The following UHRF1 variants were observed in gnomAD, a reference collection of about 807,000 sequenced individuals.
UHRF1 encodes the protein ubiquitin like with PHD and ring finger domains 1.
Under a neutral mutation model 96.5 loss-of-function variants are expected in UHRF1, and 9 were observed. The observed-to-expected ratio is 0.09, with a 90% confidence interval of 0.06 to 0.16. The LOEUF (loss-of-function observed/expected upper bound fraction) is 0.16. Among genes scored for constraint, UHRF1 ranks in the 10% least tolerant of loss-of-function variants. The probability of loss-of-function intolerance (pLI) is 1.00; values close to 1 mark genes in which losing one functional copy is unlikely to be tolerated. For missense variants in UHRF1, 626 were observed against 1,131.1 expected, an observed-to-expected ratio of 0.55 and a Z score of 6.40; for synonymous variants, 455 against 469.9, an observed-to-expected ratio of 0.97 and a Z score of 0.41.
chr19:4,931,344 C>T (rs1277061296), intron 4 of UHRF1, among the ~76,000 whole-genome samples: 1 of 152,250 alleles, frequency 6.6e-6, no homozygotes, highest in South Asian at 2.1e-4. Context: ...CATTGGTTGA[C>T]TTGCTCACTG....
At chr19:4,937,932 C>T (rs1230399664) in intron 5 of UHRF1, among the ~76,000 whole-genome samples, 1 of 152,120 alleles carries the variant, frequency 6.6e-6, no homozygotes, top group African/African-American at 2.4e-5. Context: ...GGGCGGATCA[C>T]TTGAGGTTAG....
intron 5 of UHRF1, among the ~76,000 whole-genome samples, chr19:4,939,892 C>T (rs1396684502): frequency 2.0e-5 from 3 of 151,954 alleles, no homozygotes; most frequent in East Asian, 1.9e-4. Flanking sequence ...GGCGTGGTGG[C>T]GGGTGCCTAT....
chr19:4,952,594 T>C (rs1192547702), intron 13 of UHRF1, among the ~76,000 whole-genome samples: 1 of 151,608 alleles, frequency 6.6e-6, no homozygotes, highest in African/African-American at 2.4e-5. Context: ...GGTTTCGCCA[T>C]GTTGGCCAGG....
rs777012864 is a variant in UHRF1 at position 4,932,987 on chromosome 19, C to G, written c.785+31C>G. On this transcript the variant is annotated intron_variant, in intron 5 of 16. Transcript: ENST00000650932. ...CCTCGCGTCCTGGGGCGAGCCCTTC[C>G]TCTCTCCTTTCCTCCCCTCCCGGGG... 6.4e-6 allele frequency: 10 copies of G among 1,564,290 alleles called. No homozygotes were observed. The South Asian group carries it at 8.1e-5, about 13-fold the overall frequency.
At chr19:4,920,866 C>G (rs1205800595) in intron 2 of UHRF1, among the ~76,000 whole-genome samples, 1 of 152,238 alleles carries the variant, frequency 6.6e-6, no homozygotes, top group Non-Finnish European at 1.5e-5. Flanking sequence ...TGGCTCACAC[C>G]TGTAATCCCA....
intron 2 of UHRF1, among the ~76,000 whole-genome samples, chr19:4,925,254 AAAG>A (rs2032831880): frequency 6.6e-6 from 1 of 152,134 alleles, no homozygotes; most frequent in Non-Finnish European, 1.5e-5. Context: ...TGTCACCTTG[AAAG>A]GAAACCCTGA....
chr19:4,944,541 C>A, intron 9 of UHRF1, 91 bp downstream of exon 9: 1 of 1,446,766 alleles, frequency 6.9e-7, no homozygotes, highest in Non-Finnish European at 9.6e-7. Context: ...AGCCAGGGGT[C>A]AGGGTGGTTA....
rs899311124 is a variant in UHRF1 at position 4,954,035 on chromosome 19, G to C, written c.1819-315G>C. Among the ~76,000 whole-genome samples the C allele has an allele frequency of 6.6e-6, 1 of 152,172 alleles. No homozygotes were observed. The highest frequency in any genetic ancestry group is 1.5e-5 in the Non-Finnish European group (1 of 68,032). On this transcript the variant is annotated intron_variant, in intron 13 of 16. Coordinates refer to ENST00000650932, the MANE Select transcript of UHRF1 (RefSeq NM_001048201.3). The surrounding 1 kb of genome is among the most constrained non-coding windows in gnomAD (Gnocchi z 5.9). ...TTTCATCATGCAGTGTGCGTGATGT[G>C]AGGTGGCTGTAAAGGGGGAGGAAGG...
At chr19:4,906,684 T>G (rs1487660254), upstream of UHRF1, among the ~76,000 whole-genome samples, 1 of 151,688 alleles carries the variant, frequency 6.6e-6, no homozygotes, top group African/African-American at 2.4e-5. Flanking sequence ...ACCCAGGAGG[T>G]GGAGGTTGCG....
intron 13 of UHRF1, 122 bp downstream of exon 13, chr19:4,951,118 T>C (rs1599295849): frequency 1.5e-6 from 2 of 1,309,908 alleles, no homozygotes; most frequent in Admixed American, 5.9e-5. Flanking sequence ...ATACAAAAAT[T>C]AGCTGGGTAT....
intron 16 of UHRF1, among the ~76,000 whole-genome samples, chr19:4,958,904 G>A (rs1285452528): frequency 2.0e-5 from 3 of 151,390 alleles, no homozygotes; most frequent in Non-Finnish European, 4.4e-5. Flanking sequence ...ACAGGTTGCG[G>A]TGAGCTGAGA....
At chr19:4,920,251 G>T (rs1016731374) in intron 2 of UHRF1, among the ~76,000 whole-genome samples, 1 of 152,030 alleles carries the variant, frequency 6.6e-6, no homozygotes, top group South Asian at 2.1e-4. Flanking sequence ...GGCCAACATG[G>T]TGAAACCTCG....
chr19:4,949,493 C>T (rs911438903), intron 11 of UHRF1, among the ~76,000 whole-genome samples: 1 of 151,812 alleles, frequency 6.6e-6, no homozygotes, highest in South Asian at 2.1e-4. Context: ...CACACACACA[C>T]ACACACACAC....
chr19:4,931,331 G>A (rs1387047714), intron 4 of UHRF1, among the ~76,000 whole-genome samples: 1 of 152,172 alleles, frequency 6.6e-6, no homozygotes, highest in African/African-American at 2.4e-5. Flanking sequence ...GCTTAAACAC[G>A]GACATTGGTT....
intron 2 of UHRF1, among the ~76,000 whole-genome samples, chr19:4,918,053 CT>C (rs1223618440): frequency 6.6e-6 from 1 of 152,150 alleles, no homozygotes; most frequent in African/African-American, 2.4e-5. Flanking sequence ...AGTTTCCCCC[CT>C]GTAGTAACCT....
At chr19:4,923,239 A>T (rs1367198824) in intron 2 of UHRF1, among the ~76,000 whole-genome samples, 1 of 152,104 alleles carries the variant, frequency 6.6e-6, no homozygotes, top group Non-Finnish European at 1.5e-5. Context: ...TGAGTCTGGC[A>T]GGACAGAGTC....
At chr19:4,921,587 TGTACAAAAA>T (rs1446878809) in intron 2 of UHRF1, among the ~76,000 whole-genome samples, 1 of 152,168 alleles carries the variant, frequency 6.6e-6, no homozygotes, top group African/African-American at 2.4e-5. Context: ...AAACCCTGTC[TGTACAAAAA>T]ATACAAAAAA....
rs934304673 is a variant in UHRF1, at chr19:4,911,057, C to T, written c.153+19C>T. Reference sequence around the variant, plus strand: ...CAAACAGGTACACCCGCCGCCAGCACCTTTGTTCTATGCCTGGTCCAGGCC... The same window carrying T: ...CAAACAGGTACACCCGCCGCCAGCATCTTTGTTCTATGCCTGGTCCAGGCC... On this transcript the variant is annotated intron_variant, in intron 2 of 16. Coordinates refer to ENST00000650932, the MANE Select transcript of UHRF1 (RefSeq NM_001048201.3). 3.8e-6 allele frequency: 6 copies of T among 1,558,810 alleles called. No homozygotes were observed. The highest frequency in any genetic ancestry group is 5.2e-6 in the Non-Finnish European group (6 of 1,147,704).
chr19:4,934,957 G>C (rs1700012837), intron 5 of UHRF1, among the ~76,000 whole-genome samples: 1 of 149,548 alleles, frequency 6.7e-6, no homozygotes. Context: ...TATGGAATCT[G>C]ATTTTTAAAT....
Sources: gnomAD v4.1 joint callset for allele counts (sites outside exome capture counted in the v4.1 genomes callset) on GRCh38, gnomAD v4.1.1 for gene constraint, Gnocchi (gnomAD v3.1) non-coding constraint, MANE v1.5 for transcripts, NCBI Gene and HGNC (gene_info 2026-07-23, HGNC 2026-07-21) for gene names.